APP: variants seen among roughly 807,000 people sequenced by gnomAD.
APP encodes the protein amyloid beta precursor protein, also known as amyloid-beta precursor protein.
In APP, 31 loss-of-function variants were observed where a neutral mutation model predicts 101.4. The observed-to-expected ratio is 0.31, with a 90% CI of 0.23 to 0.41. APP has a LOEUF of 0.41. Among genes scored for constraint, APP ranks in the 10% least tolerant of loss-of-function variants. The pLI, the probability that APP is intolerant of heterozygous loss-of-function variation, is 1.00. For synonymous variants in APP, 366 were observed against 364.4 expected (o/e 1.00, Z -0.05); for missense variants, 839 against 1,003.7 (o/e 0.84, Z 2.22).
intron 1 of APP, among the ~76,000 whole-genome samples, chr21:26,123,086 GACCTTT>G (rs1353520177): frequency 6.6e-6 from 1 of 152,172 alleles, no homozygotes; most frequent in Non-Finnish European, 1.5e-5. Context: ...TATGATCTTA[GACCTTT>G]ACCTTTCTAT....
chr21:25,988,424 G>C (rs1014554007), intron 8 of APP, among the ~76,000 whole-genome samples: 1 of 152,178 alleles, frequency 6.6e-6, no homozygotes, highest in Non-Finnish European at 1.5e-5. Flanking sequence ...AAGACAGGCT[G>C]GGTGCAGTGG....
chr21:26,012,115 C>T (rs919251788), intron 6 of APP, among the ~76,000 whole-genome samples: 1 of 151,484 alleles, frequency 6.6e-6, no homozygotes, highest in African/African-American at 2.4e-5. Context: ...TCCAGCGACC[C>T]TCCCACCTCA....
intron 3 of APP, among the ~76,000 whole-genome samples, chr21:26,062,357 C>A (rs1185099165): frequency 2.0e-5 from 3 of 151,092 alleles, no homozygotes; most frequent in East Asian, 3.9e-4. Flanking sequence ...AAAAAAAAAC[C>A]ACGGGAACAA....
At chr21:25,989,840 C>T (rs1465880465) in intron 8 of APP, among the ~76,000 whole-genome samples, 1 of 151,688 alleles carries the variant, frequency 6.6e-6, no homozygotes, top group Non-Finnish European at 1.5e-5. Context: ...AACTTGTTAG[C>T]GTTCATGTGA....
intron 6 of APP, among the ~76,000 whole-genome samples, chr21:26,003,804 C>G (rs2043395932): frequency 6.6e-6 from 1 of 152,222 alleles, no homozygotes; most frequent in Non-Finnish European, 1.5e-5. Context: ...ATCACCTCAA[C>G]TCTCACTTCC....
chr21:26,040,831 G>A (rs2045342430), intron 5 of APP, among the ~76,000 whole-genome samples: 1 of 152,056 alleles, frequency 6.6e-6, no homozygotes, highest in South Asian at 2.1e-4. Context: ...TGTTCTCCCA[G>A]TATCTCACTC....
chr21:26,103,787 G>T (rs2830054), intron 2 of APP, among the ~76,000 whole-genome samples: 78,200 of 151,920 alleles, frequency 0.51, 22,194 homozygotes, highest in Non-Finnish European at 0.63. Context: ...GACGACTAGC[G>T]TGCTCTAGGT....
chr21:26,065,307 CA>C (rs935681427), intron 3 of APP, among the ~76,000 whole-genome samples: 1 of 151,048 alleles, frequency 6.6e-6, no homozygotes, highest in Non-Finnish European at 1.5e-5. Context: ...TTCTAGCCTT[CA>C]AAAAAAAGTC....
chr21:25,978,101 T>TG (rs776439554), intron 9 of APP, among the ~76,000 whole-genome samples: 73 of 152,236 alleles, frequency 4.8e-4, no homozygotes, highest in Non-Finnish European at 2.4e-4. Context: ...AGCTTTAAGC[T>TG]GGGGGAATCC....
At position 25,928,342 on chromosome 21, in the gene APP, A is replaced by AAAACAAACAAACAAAC. The variant is rs61188136; in HGVS notation, c.1688-16396_1688-16381dup. Among the ~76,000 whole-genome samples the AAAACAAACAAACAAAC allele has an allele frequency of 1.4e-3, 206 of 149,110 alleles. 1 individual carries two copies. The highest frequency in any genetic ancestry group is 0.011 in the East Asian group (54 of 5,008). ...GGGCGACAGAGCGAGACTCCATCTC[A>AAAACAAACAAACAAAC]AAACAAACAAACAAACAAACAAACA... On this transcript the variant is annotated intron_variant, in intron 13 of 17. Coordinates refer to ENST00000346798, the MANE Select transcript of APP (RefSeq NM_000484.4).
chr21:25,905,003 C>G (rs1329309691), intron 15 of APP, 21 bp downstream of exon 15: 3 of 1,612,380 alleles, frequency 1.9e-6, no homozygotes, highest in Non-Finnish European at 2.5e-6. Flanking sequence ...CGGAGAGGCA[C>G]AAGTCAAGCG....
intron 8 of APP, among the ~76,000 whole-genome samples, chr21:25,991,748 T>C (rs746082551): frequency 2.2e-4 from 34 of 152,230 alleles, no homozygotes; most frequent in Non-Finnish European, 4.4e-4. Context: ...TTGTCTATTG[T>C]TGCTTTCATG....
At chr21:26,069,946 T>C (rs1304347040) in intron 3 of APP, among the ~76,000 whole-genome samples, 1 of 152,148 alleles carries the variant, frequency 6.6e-6, no homozygotes, top group Non-Finnish European at 1.5e-5. Flanking sequence ...AATTAGGATA[T>C]AGTACTTGAA....
At chr21:25,906,488 C>T (rs1220371913) in intron 14 of APP, among the ~76,000 whole-genome samples, 2 of 152,208 alleles carry the variant, frequency 1.3e-5, no homozygotes, top group African/African-American at 4.8e-5. Flanking sequence ...TGAGACCCTA[C>T]CAGATACTAC....
At chr21:26,001,011 GTAT>G (rs2043271066) in intron 6 of APP, among the ~76,000 whole-genome samples, 1 of 151,782 alleles carries the variant, frequency 6.6e-6, no homozygotes, top group Admixed American at 6.6e-5. Context: ...CTATAACAAT[GTAT>G]TATTTAATTA....
intron 5 of APP, among the ~76,000 whole-genome samples, chr21:26,033,897 C>T (rs2044964436): frequency 6.6e-6 from 1 of 152,132 alleles, no homozygotes; most frequent in South Asian, 2.1e-4. Context: ...ACAGAGGATA[C>T]AGGAGGAATT....
chr21:26,029,699 G>A (rs1439920976), intron 5 of APP, among the ~76,000 whole-genome samples: 1 of 152,186 alleles, frequency 6.6e-6, no homozygotes, highest in East Asian at 1.9e-4. Context: ...CAGTGGCACA[G>A]AGCAGGTCTT....
At chr21:25,964,360 A>G (rs968152635) in intron 11 of APP, among the ~76,000 whole-genome samples, 1 of 152,184 alleles carries the variant, frequency 6.6e-6, no homozygotes, top group South Asian at 2.1e-4. Context: ...TCAACTTTCA[A>G]TGAATCCTTT....
chr21:26,031,855 C>T (rs756771122), intron 5 of APP, among the ~76,000 whole-genome samples: 4 of 152,190 alleles, frequency 2.6e-5, no homozygotes, highest in Non-Finnish European at 4.4e-5. Flanking sequence ...ATACCTTGTC[C>T]TGCCCCAGAT....
Sources: allele counts gnomAD v4.1 joint callset (sites outside exome capture counted in the v4.1 genomes callset), GRCh38; gene constraint gnomAD v4.1.1; transcripts MANE v1.5; gene names NCBI Gene and HGNC (gene_info 2026-07-23, HGNC 2026-07-21).